The following JHY variants were observed in gnomAD, a reference collection of about 807,000 sequenced individuals.
JHY encodes the protein junctional cadherin complex regulator, also known as jhy protein homolog.
In JHY, 69 loss-of-function variants were observed where a neutral mutation model predicts 78.0. That is an observed-to-expected ratio of 0.88 (90% CI 0.73 to 1.08). JHY has a LOEUF of 1.08. Ranked by LOEUF, JHY falls within the 50% of genes least tolerant of loss-of-function variation. The pLI is 0.00. For synonymous variants in JHY, 368 were observed against 342.6 expected (o/e 1.07, Z -0.82); for missense variants, 944 against 927.8 (o/e 1.02, Z -0.23).
intron 5 of JHY, among the ~76,000 whole-genome samples, chr11:122,940,074 C>G (rs1863841731): frequency 6.6e-6 from 1 of 150,996 alleles, no homozygotes; most frequent in African/African-American, 2.4e-5. Context: ...CATGGTGGCT[C>G]ACACCTGTAA....
In JHY at chr11:122,924,879, T is replaced by C; in HGVS notation, c.865-18T>C. The C allele has an allele frequency of 6.3e-7, 1 of 1,576,662 alleles. No homozygotes were observed. Among genetic ancestry groups the C allele is most frequent in the Non-Finnish European group, 8.7e-7 (1 of 1,146,418 alleles). ...AAATGAATCCAGTTAACATGCTGTA[T>C]GTGTTTTACCTACCTAGATCTCCTA... On this transcript the variant is annotated intron_variant, in intron 3 of 8. Transcript: ENST00000227349.
intron 6 of JHY, among the ~76,000 whole-genome samples, chr11:122,952,344 G>C (rs1426888619): frequency 6.6e-6 from 1 of 152,140 alleles, no homozygotes; most frequent in African/African-American, 2.4e-5. Context: ...ACTTTTGATG[G>C]AGAGAGATCA....
chr11:122,906,833 CTCTTA>C (rs914915748), intron 3 of JHY, among the ~76,000 whole-genome samples: 1 of 152,150 alleles, frequency 6.6e-6, no homozygotes, highest in African/African-American at 2.4e-5. Context: ...TTTCTTTAAG[CTCTTA>C]TATTACTCTC....
intron 3 of JHY, among the ~76,000 whole-genome samples, chr11:122,912,151 G>A (rs1319937770): frequency 6.6e-6 from 1 of 151,694 alleles, no homozygotes; most frequent in African/African-American, 2.4e-5. Context: ...GCTGGGCCTC[G>A]TGGTGCGCAC....
rs547372744 is a variant in JHY at position 122,963,689 on chromosome 11, A to T, written c.*4244A>T. ...TCAATTCATAGCATTTCTGTTTCAA[A>T]TATTCAAAAGCAAAAAATAATCTGC... On this transcript the variant is annotated 3_prime_UTR_variant, in exon 9 of 9. Coordinates refer to ENST00000227349, the MANE Select transcript of JHY (RefSeq NM_024806.4). Among the ~76,000 whole-genome samples, 5 of 152,264 alleles carry T rather than the reference A, an allele frequency of 3.3e-5. No homozygotes were observed. The South Asian group carries it at 1.0e-3, about 32-fold the overall frequency.
intron 3 of JHY, among the ~76,000 whole-genome samples, chr11:122,909,612 A>G (rs1863071446): frequency 6.6e-6 from 1 of 152,050 alleles, no homozygotes; most frequent in African/African-American, 2.4e-5. Flanking sequence ...AAACCCATGT[A>G]TATTAAAAAT....
In JHY at chr11:122,934,914, G is replaced by A. The variant is rs1387385767; in HGVS notation, c.1473G>A (p.Met491Ile). Residue 491 changes from methionine to isoleucine, a missense_variant, in exon 5 of 9, where the codon ATG (methionine) becomes ATA (isoleucine). Met to Ile is a conservative substitution (Grantham distance 10). Coordinates refer to ENST00000227349, the MANE Select transcript of JHY (RefSeq NM_024806.4). ...AGCAGCTACACACCCTTTCTGACATGGATTTGAACAACCTTAATGAACTTT... is the reference window on the plus strand; with the variant it reads ...AGCAGCTACACACCCTTTCTGACATAGATTTGAACAACCTTAATGAACTTT... The part of the protein sequence containing the change: ...SYQQLHTLSD[M>I]DLNNLNELSK... The A allele has an allele frequency of 6.2e-7, 1 of 1,614,112 alleles. No individual in the cohort carries two copies. The highest frequency in any genetic ancestry group is 1.1e-5 in the South Asian group (1 of 91,088).
chr11:122,886,226 G>T (rs1862494986), intron 2 of JHY, 33 bp downstream of exon 2: 6 of 1,540,984 alleles, frequency 3.9e-6, no homozygotes, highest in African/African-American at 2.8e-5. Context: ...ATAATAATGG[G>T]CTCTAAAATG....
intron 2 of JHY, among the ~76,000 whole-genome samples, chr11:122,903,415 G>A (rs1406968670): frequency 6.6e-6 from 1 of 151,970 alleles, no homozygotes; most frequent in South Asian, 2.1e-4. Flanking sequence ...AAGGCCTTTC[G>A]CCCTTATGTG....
chr11:122,912,018 G>C (rs1387120983), intron 3 of JHY, among the ~76,000 whole-genome samples: 2 of 151,672 alleles, frequency 1.3e-5, no homozygotes, highest in Non-Finnish European at 2.9e-5. Context: ...TGGGCATGGT[G>C]GCTCATGCCT....
At chr11:122,926,281 T>G (rs1481521641) in intron 4 of JHY, among the ~76,000 whole-genome samples, 1 of 139,706 alleles carries the variant, frequency 7.2e-6, no homozygotes, top group African/African-American at 2.5e-5. Context: ...CCCGTGTATG[T>G]GGACCCTTGG....
chr11:122,904,019 T>C lies in JHY; in HGVS notation c.439T>C (p.Leu147=), dbSNP rs756834157. 110 of 1,614,006 alleles carry C rather than the reference T, an allele frequency of 6.8e-5. No individual in the cohort carries two copies. The highest frequency in any genetic ancestry group is 9.2e-5 in the Non-Finnish European group (108 of 1,180,010). ...EEGQLLSVEA[L]PESTDSSLEN... ...AGGGCAGCTGCTGTCTGTGGAAGCG[T>C]TGCCGGAGTCCACGGACAGCTCTTT... The change falls in exon 3 of 9, where the codon TTG becomes CTG. Residue 147 remains leucine (L), a synonymous_variant. Transcript: ENST00000227349.
At chr11:122,886,254 T>A in intron 2 of JHY, 61 bp downstream of exon 2, 1 of 1,473,226 alleles carries the variant, frequency 6.8e-7, no homozygotes, top group South Asian at 1.4e-5. Context: ...AGATAATTAC[T>A]GTCGTCATTC....
chr11:122,961,246 T>C lies in JHY; in HGVS notation c.*1801T>C, dbSNP rs1211200673. Among the ~76,000 whole-genome samples the C allele has an allele frequency of 6.6e-6, 1 of 152,234 alleles. No individual in the cohort carries two copies. The highest frequency in any genetic ancestry group is 2.4e-5 in the African/African-American group (1 of 41,452). On this transcript the variant is annotated 3_prime_UTR_variant, in exon 9 of 9. Coordinates refer to ENST00000227349, the MANE Select transcript of JHY (RefSeq NM_024806.4). ...TTCCCTATACTGAGAGAACTCAATC[T>C]ATTGGCCAATCAGATGTTTCCCATC...
At chr11:122,939,916 A>G (rs1385277587) in intron 5 of JHY, among the ~76,000 whole-genome samples, 1 of 151,992 alleles carries the variant, frequency 6.6e-6, no homozygotes, top group Non-Finnish European at 1.5e-5. Flanking sequence ...ATGTAGTATC[A>G]GTACATTTTT....
At chr11:122,901,902 A>T (rs1164021763) in intron 2 of JHY, among the ~76,000 whole-genome samples, 2 of 151,996 alleles carry the variant, frequency 1.3e-5, no homozygotes, top group Non-Finnish European at 2.9e-5. Flanking sequence ...TATTTTTTAA[A>T]CTTTTTTGTT....
rs542505280 is a variant in JHY, at chr11:122,932,465, C to T, written c.979-1955C>T. 3.3e-5 allele frequency among the ~76,000 whole-genome samples: 5 copies of T among 152,026 alleles called. No individual in the cohort carries two copies. The South Asian group carries it at 8.3e-4, about 25-fold the overall frequency. On this transcript the variant is annotated intron_variant, in intron 4 of 8. Transcript: ENST00000227349. ...TAACCCAGGATTTCACATCTAGTACCCAAGAAATTTCTGAGAAGTAAGTAT... is the reference window on the plus strand; with the variant it reads ...TAACCCAGGATTTCACATCTAGTACTCAAGAAATTTCTGAGAAGTAAGTAT...
At chr11:122,945,496 T>TTGTATGTGTG (rs1333149061) in intron 5 of JHY, among the ~76,000 whole-genome samples, 6 of 152,180 alleles carry the variant, frequency 3.9e-5, no homozygotes, top group African/African-American at 1.4e-4. Flanking sequence ...CTATTGCTAT[T>TTGTATGTGTG]TGTATGTGTG....
intron 3 of JHY, among the ~76,000 whole-genome samples, chr11:122,913,632 A>G (rs904909262): frequency 6.6e-6 from 1 of 152,140 alleles, no homozygotes; most frequent in South Asian, 2.1e-4. Flanking sequence ...TTGTTTGCTT[A>G]GGAAAACCTT....
Sources: gnomAD v4.1 joint callset for allele counts (sites outside exome capture counted in the v4.1 genomes callset) on GRCh38, gnomAD v4.1.1 for gene constraint, MANE v1.5 for transcripts, NCBI Gene and HGNC (gene_info 2026-07-23, HGNC 2026-07-21) for gene names.